NBEA: variants seen among roughly 807,000 people sequenced by gnomAD.
The protein encoded by NBEA is neurobeachin.
A neutral mutation model predicts 343.4 loss-of-function variants in NBEA; 44 were observed. That is an observed-to-expected ratio of 0.13 (90% CI 0.10 to 0.16). The LOEUF (loss-of-function observed/expected upper bound fraction) is 0.16, where lower values mean the gene tolerates loss of function less well. Ranked by LOEUF, NBEA falls within the 10% of genes least tolerant of loss-of-function variation. The pLI is 1.00. For missense variants in NBEA, 2,555 were observed against 3,631.3 expected, an observed-to-expected ratio of 0.70 and a Z score of 7.62; for synonymous variants, 1,175 against 1,238.7, an observed-to-expected ratio of 0.95 and a Z score of 1.08.
At chr13:35,145,025 G>A (rs2068330427) in intron 18 of NBEA, among the ~76,000 whole-genome samples, 1 of 152,176 alleles carries the variant, frequency 6.6e-6, no homozygotes, top group Non-Finnish European at 1.5e-5. Context: ...ATGTAGCCAG[G>A]TAGCCTGTTA....
At chr13:35,356,599 C>G (rs1157062038) in intron 38 of NBEA, among the ~76,000 whole-genome samples, 1 of 152,104 alleles carries the variant, frequency 6.6e-6, no homozygotes, top group Non-Finnish European at 1.5e-5. Flanking sequence ...GAAAAATATT[C>G]TTCCATATTA....
intron 35 of NBEA, among the ~76,000 whole-genome samples, chr13:35,291,104 A>G (rs2035776590): frequency 6.6e-6 from 1 of 151,876 alleles, no homozygotes; most frequent in Non-Finnish European, 1.5e-5. Flanking sequence ...TTTTCTTCTC[A>G]CCAGCTCTGT....
rs754458332 is a variant in NBEA at position 35,670,999 on chromosome 13, G to C, written c.*8G>C. ...CATCAGAACAGATACTGAAGATAAAGGAAGAACCAAAAGCCAAGTTAAAGC... is the reference window on the plus strand; with the variant it reads ...CATCAGAACAGATACTGAAGATAAACGAAGAACCAAAAGCCAAGTTAAAGC... On this transcript the variant is annotated 3_prime_UTR_variant, in exon 59 of 59. Transcript: ENST00000379939. 5 of 1,558,918 alleles carry C rather than the reference G, an allele frequency of 3.2e-6. No homozygotes were observed. Among genetic ancestry groups the C allele is most frequent in the Non-Finnish European group, 4.4e-6 (5 of 1,148,628 alleles).
intron 33 of NBEA, among the ~76,000 whole-genome samples, chr13:35,219,279 G>T (rs1252661407): frequency 6.6e-6 from 1 of 151,708 alleles, no homozygotes; most frequent in Non-Finnish European, 1.5e-5. Flanking sequence ...TATTCATATT[G>T]CCAAAAAAAT....
intron 17 of NBEA, 68 bp downstream of exon 17, chr13:35,123,642 A>G (rs566348952): frequency 6.4e-5 from 62 of 969,090 alleles, no homozygotes; most frequent in East Asian, 9.3e-5. Flanking sequence ...TGAGTTTTCT[A>G]TGTAATGTAG....
At chr13:35,213,715 C>G (rs2073913293) in intron 33 of NBEA, among the ~76,000 whole-genome samples, 1 of 151,608 alleles carries the variant, frequency 6.6e-6, no homozygotes, top group African/African-American at 2.4e-5. Context: ...TTTCTATTTT[C>G]CTGAAGTTTT....
chr13:35,422,417 C>T (rs758250983), intron 38 of NBEA, among the ~76,000 whole-genome samples: 13 of 150,670 alleles, frequency 8.6e-5, no homozygotes, highest in South Asian at 4.2e-4. Flanking sequence ...TTTGTCCTTG[C>T]GATAGTCTGC....
At chr13:35,218,874 A>C (rs2074212522) in intron 33 of NBEA, among the ~76,000 whole-genome samples, 1 of 152,060 alleles carries the variant, frequency 6.6e-6, no homozygotes, top group African/African-American at 2.4e-5. Flanking sequence ...AAATAGATTT[A>C]TCTCTTGAAA....
chr13:35,476,947 G>A (rs2075899925), intron 41 of NBEA: 11 of 437,484 alleles, frequency 2.5e-5, no homozygotes, highest in Non-Finnish European at 3.5e-5. Context: ...GTTTTGAAAA[G>A]ACTTGGCAAA....
chr13:35,079,217 A>G (rs145408699), intron 10 of NBEA, among the ~76,000 whole-genome samples: 3,194 of 152,282 alleles, frequency 0.021, 44 homozygotes, highest in Non-Finnish European at 0.031. Context: ...CTGATATAAA[A>G]TCAGGTGTGG....
intron 38 of NBEA, among the ~76,000 whole-genome samples, chr13:35,424,971 A>AT (rs1469073945): frequency 6.6e-6 from 1 of 152,012 alleles, no homozygotes; most frequent in Non-Finnish European, 1.5e-5. Context: ...GGTAGTTTGT[A>AT]TTCTGTGGGA....
intron 55 of NBEA, among the ~76,000 whole-genome samples, chr13:35,656,487 T>A (rs1314135945): frequency 6.6e-6 from 1 of 152,210 alleles, no homozygotes; most frequent in Non-Finnish European, 1.5e-5. Context: ...CAATGAAACT[T>A]TTATTTATGT....
intron 41 of NBEA, among the ~76,000 whole-genome samples, chr13:35,493,843 C>G (rs1001853670): frequency 1.3e-5 from 2 of 151,810 alleles, no homozygotes; most frequent in African/African-American, 2.4e-5. Flanking sequence ...AAAGGTGTAT[C>G]TCGTCATGTG....
intron 2 of NBEA, 33 bp downstream of exon 2, chr13:35,041,197 A>C (rs1191306439): frequency 6.6e-7 from 1 of 1,517,636 alleles, no homozygotes; most frequent in African/African-American, 1.4e-5. Context: ...AGTATAACTT[A>C]AATGTTTATA....
intron 11 of NBEA, among the ~76,000 whole-genome samples, chr13:35,106,667 A>C (rs2065933128): frequency 6.6e-6 from 1 of 152,004 alleles, no homozygotes; most frequent in South Asian, 2.1e-4. Context: ...GGTCAATAAA[A>C]AGACACAATT....
chr13:35,258,895 T>C (rs1471652498), intron 34 of NBEA, among the ~76,000 whole-genome samples: 2 of 152,168 alleles, frequency 1.3e-5, no homozygotes, highest in Non-Finnish European at 2.9e-5. Context: ...TAAAGTAGGA[T>C]TTGTGTTAGA....
At chr13:35,583,804 TGAATTAAC>T in intron 45 of NBEA, 86 bp from the exon 46 acceptor site, 2 of 908,862 alleles carry the variant, frequency 2.2e-6, no homozygotes, top group Non-Finnish European at 3.3e-6. Context: ...ATGGCTAAAA[TGAATTAAC>T]AGTGAAATAC....
At chr13:35,382,712 A>C (rs2042073313) in intron 38 of NBEA, among the ~76,000 whole-genome samples, 1 of 152,150 alleles carries the variant, frequency 6.6e-6, no homozygotes, top group Admixed American at 6.5e-5. Flanking sequence ...ATTTTCCAAA[A>C]AGTGTATTTA....
At chr13:35,498,379 G>C (rs1436284071) in intron 41 of NBEA, among the ~76,000 whole-genome samples, 2 of 151,984 alleles carry the variant, frequency 1.3e-5, no homozygotes, top group African/African-American at 4.8e-5. Flanking sequence ...CCTAGGACAA[G>C]GGATCCACAG....
Sources: allele counts gnomAD v4.1 joint callset (sites outside exome capture counted in the v4.1 genomes callset), GRCh38; gene constraint gnomAD v4.1.1; transcripts MANE v1.5; gene names NCBI Gene and HGNC (gene_info 2026-07-23, HGNC 2026-07-21).